The following NAALADL2 variants were observed in gnomAD, a reference collection of about 807,000 sequenced individuals.
NAALADL2 encodes N-acetylated alpha-linked acidic dipeptidase like 2.
In NAALADL2, 76 loss-of-function variants were observed where a neutral mutation model predicts 87.2. The observed-to-expected ratio is 0.87, with a 90% confidence interval of 0.72 to 1.05. The LOEUF is 1.05. Ranked by LOEUF, NAALADL2 falls within the 50% of genes least tolerant of loss-of-function variation. The probability of loss-of-function intolerance (pLI) is 0.00; values close to 1 mark genes in which losing one functional copy is unlikely to be tolerated. For missense variants in NAALADL2, 1,089 were observed against 945.8 expected, an observed-to-expected ratio of 1.15 and a Z score of -1.99; for synonymous variants, 354 against 331.0, an observed-to-expected ratio of 1.07 and a Z score of -0.75.
rs574990194 is a variant in NAALADL2, at chr3:175,036,181, A to G, written c.44-60609A>G. The stretch of plus-strand genomic sequence containing the variant: ...AATTATCTTTCAGCATTTTGCTTGT[A>G]TGATTATTAACTTCGTTTATCTTTT... On this transcript the variant is annotated intron_variant, in intron 1 of 13. Coordinates refer to ENST00000454872, the MANE Select transcript of NAALADL2 (RefSeq NM_207015.3). Among the ~76,000 whole-genome samples, 4 of 152,248 alleles carry G rather than the reference A, an allele frequency of 2.6e-5. No homozygotes were observed. The East Asian group carries it at 7.7e-4, about 29-fold the overall frequency.
intron 13 of NAALADL2, among the ~76,000 whole-genome samples, chr3:175,769,776 T>G (rs886859503): frequency 1.2e-4 from 19 of 152,098 alleles, no homozygotes; most frequent in African/African-American, 3.9e-4. Context: ...GTGTGTAATT[T>G]TAAGGAACTG....
At chr3:175,613,409 G>A (rs1724908858) in intron 10 of NAALADL2, among the ~76,000 whole-genome samples, 1 of 152,148 alleles carries the variant, frequency 6.6e-6, no homozygotes, top group Admixed American at 6.5e-5. Context: ...TGAAGAATGG[G>A]CAAGCGAAGA....
intron 1 of NAALADL2, among the ~76,000 whole-genome samples, chr3:175,009,084 C>G (rs987666734): frequency 1.3e-5 from 2 of 152,084 alleles, no homozygotes; most frequent in African/African-American, 4.8e-5. Context: ...TAAACTTTGG[C>G]TGTTTCAGAA....
At chr3:175,779,574 C>T (rs2150207141) in intron 13 of NAALADL2, among the ~76,000 whole-genome samples, 1 of 152,102 alleles carries the variant, frequency 6.6e-6, no homozygotes, top group South Asian at 2.1e-4. Context: ...TCACACTATG[C>T]TTTCAAGTAG....
chr3:174,836,233 G>C, intron 3 of NAALADL2, among the ~76,000 whole-genome samples: 1 of 152,122 alleles, frequency 6.6e-6, no homozygotes, highest in South Asian at 2.1e-4. Flanking sequence ...TAAGCTAGTC[G>C]CAAAAAATAG....
chr3:174,976,271 A>G (rs533679257), intron 1 of NAALADL2, among the ~76,000 whole-genome samples: 1 of 152,292 alleles, frequency 6.6e-6, no homozygotes, highest in African/African-American at 2.4e-5. Context: ...TTTAATCAGG[A>G]TGTTTAAATA....
At chr3:174,867,008 CAT>C (rs1304267682) in intron 1 of NAALADL2, among the ~76,000 whole-genome samples, 3 of 151,582 alleles carry the variant, frequency 2.0e-5, no homozygotes, top group Admixed American at 2.0e-4. Context: ...ATTACTAAAT[CAT>C]ATTTATCAAA....
intron 1 of NAALADL2, among the ~76,000 whole-genome samples, chr3:174,442,818 T>G (rs1342413121): frequency 2.0e-5 from 3 of 152,118 alleles, no homozygotes; most frequent in Non-Finnish European, 2.9e-5. Flanking sequence ...GTTTAGTAAT[T>G]TAAAATAGGA....
chr3:175,274,164 C>T (rs1037162925), intron 4 of NAALADL2, among the ~76,000 whole-genome samples: 7 of 152,086 alleles, frequency 4.6e-5, no homozygotes, highest in Non-Finnish European at 1.0e-4. Context: ...GAAGGGGAAG[C>T]AAGACACGTC....
chr3:175,688,255 T>C (rs1736583456), intron 11 of NAALADL2, among the ~76,000 whole-genome samples: 3 of 152,132 alleles, frequency 2.0e-5, no homozygotes, highest in African/African-American at 4.8e-5. Context: ...AATATTTTAA[T>C]TCAGATTTAT....
At chr3:174,777,950 T>C (rs1370682590) in intron 3 of NAALADL2, among the ~76,000 whole-genome samples, 1 of 152,086 alleles carries the variant, frequency 6.6e-6, no homozygotes, top group African/African-American at 2.4e-5. Flanking sequence ...AAAATGCACA[T>C]AGAGTACAGT....
intron 3 of NAALADL2, among the ~76,000 whole-genome samples, chr3:174,767,380 G>T (rs1034095289): frequency 6.6e-6 from 1 of 152,066 alleles, no homozygotes; most frequent in Non-Finnish European, 1.5e-5. Flanking sequence ...CTTTTACCAG[G>T]AAACACATCA....
intron 4 of NAALADL2, among the ~76,000 whole-genome samples, chr3:175,303,339 A>T (rs1233275453): frequency 6.6e-6 from 1 of 152,100 alleles, no homozygotes; most frequent in Non-Finnish European, 1.5e-5. Flanking sequence ...CAAGGATAAA[A>T]CCTTGTATTT....
At chr3:174,758,244 ATTATG>A (rs1712403982) in intron 3 of NAALADL2, among the ~76,000 whole-genome samples, 1 of 152,180 alleles carries the variant, frequency 6.6e-6, no homozygotes, top group Admixed American at 6.5e-5. Flanking sequence ...TAAAACACAA[ATTATG>A]TTATGTATTT....
intron 3 of NAALADL2, among the ~76,000 whole-genome samples, chr3:174,767,021 G>C (rs1451459271): frequency 2.0e-5 from 3 of 152,174 alleles, no homozygotes; most frequent in Non-Finnish European, 4.4e-5. Flanking sequence ...TGGACAACCT[G>C]TGCAGCCCTG....
At chr3:175,124,104 T>C (rs1392381229) in intron 2 of NAALADL2, among the ~76,000 whole-genome samples, 1 of 151,960 alleles carries the variant, frequency 6.6e-6, no homozygotes, top group Non-Finnish European at 1.5e-5. Context: ...TCTAACTTGG[T>C]TCCACTTCAT....
rs1367829400 is a variant in NAALADL2, at chr3:174,869,104, A to G, written c.43+9654A>G. Among the ~76,000 whole-genome samples the G allele has an allele frequency of 3.3e-5, 5 of 152,162 alleles. No individual in the cohort carries two copies. The East Asian group carries it at 9.7e-4, about 29-fold the overall frequency. ...TAAAATGAGTGAGAAATATTAAAGGACAAAATAGTCAAACAGCAAGGATTT... is the reference window on the plus strand; with the variant it reads ...TAAAATGAGTGAGAAATATTAAAGGGCAAAATAGTCAAACAGCAAGGATTT... On this transcript the variant is annotated intron_variant, in intron 1 of 13. Coordinates refer to ENST00000454872, the MANE Select transcript of NAALADL2 (RefSeq NM_207015.3).
intron 1 of NAALADL2, among the ~76,000 whole-genome samples, chr3:174,469,026 GTGCTGGGAT>G (rs1716723299): frequency 6.6e-6 from 1 of 152,036 alleles, no homozygotes; most frequent in South Asian, 2.1e-4. Context: ...GCCTCCCAAA[GTGCTGGGAT>G]TACAGGCGTG....
chr3:174,731,549 G>A lies in NAALADL2; in HGVS notation c.-114-6092G>A, dbSNP rs905011991. 1.2e-4 allele frequency among the ~76,000 whole-genome samples: 18 copies of A among 152,166 alleles called. No homozygotes were observed. The Middle Eastern group carries it at 0.01, about 86-fold the overall frequency. On this transcript the variant is annotated intron_variant, in intron 2 of 3. Coordinates refer to the NAALADL2 transcript ENST00000434257. ...CTTTAAAGAAAATGGATCTGCCATA[G>A]CCAGGCCAAGTCATCATGGTCGGGT...
Sources: gnomAD v4.1 joint callset for allele counts (sites outside exome capture counted in the v4.1 genomes callset) on GRCh38, gnomAD v4.1.1 for gene constraint, MANE v1.5 for transcripts, NCBI Gene and HGNC (gene_info 2026-07-23, HGNC 2026-07-21) for gene names.